Variants in ATRNL1 observed in about 807,000 individuals in gnomAD.
ATRNL1 encodes attractin like 1.
A neutral mutation model predicts 182.7 loss-of-function variants in ATRNL1; 95 were observed. The observed-to-expected ratio is 0.52, with a 90% CI of 0.44 to 0.62. The LOEUF is 0.62. ATRNL1 is among the 20% of genes least tolerant of loss of function. The pLI is 0.00. For missense variants in ATRNL1, 1,471 were observed against 1,679.5 expected, an observed-to-expected ratio of 0.88 and a Z score of 2.17; for synonymous variants, 576 against 568.3, an observed-to-expected ratio of 1.01 and a Z score of -0.19.
At chr10:115,480,195 A>G (rs557233521) in intron 24 of ATRNL1, among the ~76,000 whole-genome samples, 11 of 137,194 alleles carry the variant, frequency 8.0e-5, no homozygotes, top group Non-Finnish European at 1.4e-4. Flanking sequence ...TTCAACATAG[A>G]TGAGTCATTT....
At chr10:115,711,881 T>G (rs1555054638) in intron 26 of ATRNL1, among the ~76,000 whole-genome samples, 1 of 152,158 alleles carries the variant, frequency 6.6e-6, no homozygotes, top group African/African-American at 2.4e-5. Flanking sequence ...AATGCCCTAA[T>G]TAAATAAAAT....
At chr10:115,133,431 A>G (rs1217239045) in intron 5 of ATRNL1, among the ~76,000 whole-genome samples, 4 of 152,192 alleles carry the variant, frequency 2.6e-5, no homozygotes, top group Non-Finnish European at 5.9e-5. Context: ...TAAACCAACA[A>G]ACATCAAAAG....
At chr10:115,560,034 C>A (rs958344002) in intron 26 of ATRNL1, among the ~76,000 whole-genome samples, 2 of 152,114 alleles carry the variant, frequency 1.3e-5, no homozygotes, top group African/African-American at 4.8e-5. Context: ...ACAATTTTAG[C>A]AAGGTTCAGG....
intron 9 of ATRNL1, among the ~76,000 whole-genome samples, chr10:115,224,028 C>G (rs2144474650): frequency 6.7e-6 from 1 of 149,162 alleles, no homozygotes; most frequent in African/African-American, 2.5e-5. Context: ...CTCTGCCTCT[C>G]AGGTTCAAGC....
Position 115,265,276 on chromosome 10 carries a change from G to A in ATRNL1, c.1771G>A (p.Gly591Arg), listed in dbSNP as rs114220247. 2.3e-4 allele frequency: 368 copies of A among 1,587,752 alleles called. No homozygotes were observed. The highest frequency in any genetic ancestry group is 2.9e-4 in the Non-Finnish European group (334 of 1,164,442). The change falls in exon 11 of 29, where the codon GGG (glycine) becomes AGG (arginine). Residue 591 changes from glycine (G) to arginine (R), a missense_variant and splice_region_variant. Transcript: ENST00000355044. ...TGGACACTCTGCAGTAGTCATTAAC[G>A]GGTAAAAGAAGCACATTTCCAATTT... ...RFGHSAVVIN[G>R]SMYIFGGFSS...
At chr10:115,492,511 A>G (rs191824062) in intron 24 of ATRNL1, among the ~76,000 whole-genome samples, 16 of 150,026 alleles carry the variant, frequency 1.1e-4, no homozygotes, top group African/African-American at 2.7e-4. Context: ...GGTTCCTTTT[A>G]TCATTTCTAG....
intron 27 of ATRNL1, among the ~76,000 whole-genome samples, chr10:115,798,314 G>A (rs1949707783): frequency 1.3e-5 from 2 of 151,986 alleles, no homozygotes; most frequent in African/African-American, 4.8e-5. Context: ...TCCAAATTTA[G>A]TTAGCCTAGG....
At chr10:115,241,449 G>GT (rs1427297073) in intron 9 of ATRNL1, 122 bp from the exon 10 acceptor site, 7 of 523,510 alleles carry the variant, frequency 1.3e-5, no homozygotes, top group East Asian at 3.1e-5. Flanking sequence ...TAAAAAATAT[G>GT]TTTTTTTCCC....
intron 25 of ATRNL1, among the ~76,000 whole-genome samples, chr10:115,543,045 T>C (rs1287442300): frequency 1.3e-5 from 2 of 152,214 alleles, no homozygotes; most frequent in African/African-American, 4.8e-5. Context: ...GGCTTTAACA[T>C]ATGAATTTGA....
At chr10:115,407,239 C>G (rs782200005) in intron 20 of ATRNL1, among the ~76,000 whole-genome samples, 16 of 152,080 alleles carry the variant, frequency 1.1e-4, no homozygotes, top group Non-Finnish European at 2.1e-4. Flanking sequence ...AACATTAACA[C>G]AAATTATCTT....
intron 8 of ATRNL1, among the ~76,000 whole-genome samples, chr10:115,187,939 C>T (rs797041512): frequency 2.4e-4 from 37 of 151,332 alleles, no homozygotes; most frequent in African/African-American, 8.0e-4. Flanking sequence ...CTCGGTCTCC[C>T]AAAGTGCTGG....
At chr10:115,213,624 G>C (rs534450399) in intron 8 of ATRNL1, among the ~76,000 whole-genome samples, 1 of 151,912 alleles carries the variant, frequency 6.6e-6, no homozygotes. Context: ...TAAGGTCTGT[G>C]GGGGGAGCAG....
At chr10:115,584,878 G>A (rs1855410450) in intron 26 of ATRNL1, among the ~76,000 whole-genome samples, 1 of 150,584 alleles carries the variant, frequency 6.6e-6, no homozygotes, top group Non-Finnish European at 1.5e-5. Context: ...TTCCTCTTGT[G>A]GGCATTTAGT....
chr10:115,636,089 A>G (rs1182794601), intron 26 of ATRNL1, among the ~76,000 whole-genome samples: 2 of 152,096 alleles, frequency 1.3e-5, no homozygotes, highest in African/African-American at 2.4e-5. Context: ...GATATGTTCA[A>G]TTTTCGAAAA....
intron 24 of ATRNL1, among the ~76,000 whole-genome samples, chr10:115,492,864 C>G (rs1171717217): frequency 6.6e-6 from 1 of 151,802 alleles, no homozygotes; most frequent in Non-Finnish European, 1.5e-5. Flanking sequence ...AGGATAGTCT[C>G]AGTCTCCTGA....
chr10:115,877,438 A>G (rs1203089826), intron 28 of ATRNL1, among the ~76,000 whole-genome samples: 2 of 152,216 alleles, frequency 1.3e-5, no homozygotes, highest in African/African-American at 4.8e-5. Flanking sequence ...GGGAGTTACT[A>G]AAACCTCTCC....
intron 24 of ATRNL1, among the ~76,000 whole-genome samples, chr10:115,499,500 T>G (rs1849709891): frequency 6.6e-6 from 1 of 152,172 alleles, no homozygotes; most frequent in Non-Finnish European, 1.5e-5. Flanking sequence ...TGACACAGCC[T>G]CAGAAGGTTT....
rs1554884224 is a variant in ATRNL1 at position 115,165,673 on chromosome 10, T to C, written c.1092+28T>C. The stretch of plus-strand genomic sequence containing the variant: ...ATGGCTCCTGCTTTTTAAATTTTAA[T>C]CAGATTTTGTTTTTGATAGTTTACC... On this transcript the variant is annotated intron_variant, in intron 7 of 28. Transcript: ENST00000355044. The C allele has an allele frequency of 2.9e-6, 4 of 1,379,004 alleles. No homozygotes were observed. In the Admixed American group the frequency reaches 8.9e-5, roughly 31 times the overall value. The allele number at this position is 1,379,004 out of a possible 1,614,324, so 85.4% of individuals were successfully genotyped here.
intron 20 of ATRNL1, among the ~76,000 whole-genome samples, chr10:115,401,839 G>A (rs1404608261): frequency 6.6e-6 from 1 of 152,128 alleles, no homozygotes; most frequent in African/African-American, 2.4e-5. Flanking sequence ...ATTTTACCAT[G>A]TAGTTTCTAC....
Sources: allele counts gnomAD v4.1 joint callset (sites outside exome capture counted in the v4.1 genomes callset), GRCh38; gene constraint gnomAD v4.1.1; transcripts MANE v1.5; gene names NCBI Gene and HGNC (gene_info 2026-07-23, HGNC 2026-07-21).